The following JAK1 variants were observed in gnomAD, a reference collection of about 807,000 sequenced individuals.
JAK1 encodes the protein tyrosine-protein kinase JAK1.
A neutral mutation model predicts 136.6 loss-of-function variants in JAK1; 16 were observed. The ratio of observed to expected loss-of-function variants is 0.12; its 90% CI spans 0.08 to 0.18. The LOEUF is 0.18. JAK1 is among the 10% of genes least tolerant of loss of function. The probability of loss-of-function intolerance (pLI) is 1.00; values close to 1 mark genes in which losing one functional copy is unlikely to be tolerated. For synonymous variants in JAK1, 492 were observed against 519.5 expected (o/e 0.95, Z 0.72); for missense variants, 859 against 1,450.1 (o/e 0.59, Z 6.62).
In JAK1 at chr1:64,984,804, A is replaced by T; in HGVS notation, c.-78+59676T>A. On this transcript the variant is annotated intron_variant, in intron 2 of 25. Coordinates refer to the JAK1 transcript ENST00000671954. The surrounding 1 kb of genome is among the most constrained non-coding windows in gnomAD (Gnocchi z 4.1). ...GAGGAAGTCGGTGAAGATAATAAAA[A>T]CGTAGGCTCCTAAATAGTAAGCAGC... 1 of 1,073,862 alleles carries T rather than the reference A, an allele frequency of 9.3e-7. No individual in the cohort carries two copies. The highest frequency in any genetic ancestry group is 1.3e-5 in the South Asian group (1 of 74,762). 66.5% of individuals were successfully genotyped at this position (1,073,862 alleles called of 1,614,324 possible).
At chr1:64,991,430 G>A (rs898189705) in intron 2 of JAK1, 11 of 152,198 alleles carry the variant, frequency 7.2e-5, no homozygotes, top group African/African-American at 2.4e-4. Flanking sequence ...CATGCACACT[G>A]TGATATTTCT....
At chr1:64,914,245 G>A (rs1645352973) in intron 1 of JAK1, among the ~76,000 whole-genome samples, 1 of 152,078 alleles carries the variant, frequency 6.6e-6, no homozygotes, top group Non-Finnish European at 1.5e-5. Flanking sequence ...CAGGCACTAG[G>A]GATTCAAAAA....
At chr1:64,884,507 A>C (rs1644823765) in intron 2 of JAK1, among the ~76,000 whole-genome samples, 1 of 152,084 alleles carries the variant, frequency 6.6e-6, no homozygotes, top group Non-Finnish European at 1.5e-5. Context: ...TCTGAAACAG[A>C]GCCCTGCTCC....
chr1:65,062,743 CTT>C (rs1163200736), intron 1 of JAK1, among the ~76,000 whole-genome samples: 2 of 152,236 alleles, frequency 1.3e-5, no homozygotes, highest in African/African-American at 4.8e-5. Context: ...CAACAGGACT[CTT>C]TCTAAAAAAG....
intron 1 of JAK1, among the ~76,000 whole-genome samples, chr1:65,051,560 G>C (rs1487315515): frequency 8.5e-5 from 13 of 152,054 alleles, no homozygotes; most frequent in Non-Finnish European, 2.9e-5. Context: ...AGTCTTCCCA[G>C]CAAAGTGCCC....
At chr1:64,878,680 A>G (rs1448163923) in intron 4 of JAK1, among the ~76,000 whole-genome samples, 1 of 148,948 alleles carries the variant, frequency 6.7e-6, no homozygotes, top group African/African-American at 2.5e-5. Flanking sequence ...TTTTTCTTAA[A>G]TTCACTAAAT....
At chr1:64,889,773 G>T (rs930842806) in intron 1 of JAK1, among the ~76,000 whole-genome samples, 1 of 152,166 alleles carries the variant, frequency 6.6e-6, no homozygotes, top group Non-Finnish European at 1.5e-5. Context: ...TGGTATCTGC[G>T]CAAGGGAAGA....
Position 64,866,944 on chromosome 1 carries a change from C to T in JAK1, c.912G>A (p.Ser304=), listed in dbSNP as rs115098134. The T allele has an allele frequency of 9.5e-4, 1,533 of 1,614,166 alleles. 11 individuals are homozygous for T. In the African/African-American group the frequency reaches 0.016, roughly 17 times the overall value. Residue 304 remains serine (S), a synonymous_variant, in exon 7 of 25, where the codon TCG becomes TCA. Transcript: ENST00000342505. ...AGTAGAGAACGTTTCCACCGTCATT[C>T]GAATGAAACCAATTCATCTCATTTT... ...SSENEMNWFH[S]NDGGNVLYYE... is the part of the protein sequence containing the mutation.
At chr1:64,891,977 C>T (rs191502855) in intron 1 of JAK1, among the ~76,000 whole-genome samples, 29 of 152,350 alleles carry the variant, frequency 1.9e-4, no homozygotes, top group African/African-American at 7.0e-4. Flanking sequence ...TCCCAAGGAG[C>T]CTGCATTCAG....
intron 1 of JAK1, among the ~76,000 whole-genome samples, chr1:65,061,068 T>C (rs913745899): frequency 2.0e-5 from 3 of 152,200 alleles, no homozygotes; most frequent in Non-Finnish European, 4.4e-5. Flanking sequence ...TACCAAATAT[T>C]ATCTACAAAA....
At chr1:64,959,378 C>T (rs1301276213) in intron 1 of JAK1, among the ~76,000 whole-genome samples, 2 of 152,210 alleles carry the variant, frequency 1.3e-5, no homozygotes, top group African/African-American at 2.4e-5. Context: ...TGTAAAAGGG[C>T]ATTCCATAGA....
intron 1 of JAK1, among the ~76,000 whole-genome samples, chr1:64,889,038 T>G (rs1020317930): frequency 6.6e-6 from 1 of 152,236 alleles, no homozygotes; most frequent in Non-Finnish European, 1.5e-5. Flanking sequence ...AGCGGTTTTT[T>G]TGTGTGTGTG....
In JAK1 at chr1:64,883,383, C is replaced by T. The variant is rs369162104; in HGVS notation, c.99G>A (p.Glu33=). Residue 33 remains glutamate (E), a synonymous_variant, in exon 3 of 25, where the codon GAG becomes GAA. Transcript: ENST00000342505. ...GATAGAAGATCACTTCCACCCCTGG[C>T]TCAGGGGCCTCCAGGTTCACCTCAG... ...KKTEVNLEAP[E]PGVEVIFYLS... The T allele has an allele frequency of 5.6e-6, 9 of 1,613,982 alleles. No homozygotes were observed. In the African/African-American group the frequency reaches 1.2e-4, roughly 22 times the overall value.
At position 64,866,923 on chromosome 1, in the gene JAK1, G is replaced by C; in HGVS notation, c.933C>G (p.Leu311=). 1 of 1,614,188 alleles carries C rather than the reference G, an allele frequency of 6.2e-7. No homozygotes were observed. Among genetic ancestry groups the C allele is most frequent in the Non-Finnish European group, 8.5e-7 (1 of 1,180,006 alleles). ...WFHSNDGGNV[L]YYEVMVTGNL... ...TCCCAGTCACCATCACTTCGTAGTAGAGAACGTTTCCACCGTCATTCGAAT... is the reference window on the plus strand; with the variant it reads ...TCCCAGTCACCATCACTTCGTAGTACAGAACGTTTCCACCGTCATTCGAAT... The change falls in exon 7 of 25, where the codon CTC becomes CTG. Residue 311 remains leucine (L), a synonymous_variant. Transcript: ENST00000342505.
chr1:64,869,564 C>A, intron 5 of JAK1, 90 bp from the exon 6 acceptor site: 3 of 983,692 alleles, frequency 3.0e-6, no homozygotes, highest in Non-Finnish European at 4.7e-6. Context: ...CCTAGAAACG[C>A]AGCACAGCAA....
At chr1:64,855,209 C>T (rs1000184007) in intron 11 of JAK1, among the ~76,000 whole-genome samples, 4 of 152,210 alleles carry the variant, frequency 2.6e-5, no homozygotes, top group African/African-American at 9.7e-5. Context: ...ACAGGAGACT[C>T]CTCAAGGCAT....
chr1:64,875,167 C>T (rs1378195390), intron 4 of JAK1, among the ~76,000 whole-genome samples: 6 of 152,158 alleles, frequency 3.9e-5, no homozygotes, highest in Admixed American at 6.5e-5. Context: ...CAGTCTCTGG[C>T]GAGGTGCCGA....
At chr1:64,907,897 T>C (rs576293764) in intron 1 of JAK1, among the ~76,000 whole-genome samples, 3 of 152,302 alleles carry the variant, frequency 2.0e-5, no homozygotes, top group African/African-American at 7.2e-5. Flanking sequence ...CAAAACTGTA[T>C]TCATTAATTG....
chr1:64,950,206 G>A (rs1489686748), intron 1 of JAK1, among the ~76,000 whole-genome samples: 4 of 152,004 alleles, frequency 2.6e-5, no homozygotes, highest in South Asian at 2.1e-4. Flanking sequence ...TCAGGAGATC[G>A]AGACCATCCT....
Sources: gnomAD v4.1 joint callset for allele counts (sites outside exome capture counted in the v4.1 genomes callset) on GRCh38, gnomAD v4.1.1 for gene constraint, Gnocchi (gnomAD v3.1) non-coding constraint, MANE v1.5 for transcripts, NCBI Gene and HGNC (gene_info 2026-07-23, HGNC 2026-07-21) for gene names.